Variants in ZNG1C observed in about 807,000 individuals in gnomAD.
The protein encoded by ZNG1C is zinc-regulated GTPase metalloprotein activator 1C.
the ZNG1C span, among the ~76,000 whole-genome samples, chr9:68,256,035 T>C: frequency 1.6e-4 from 24 of 152,222 alleles, no homozygotes; most frequent in African/African-American, 5.8e-4. Context: ...CTTGCATGAG[T>C]AATCACTGTA....
At chr9:68,244,773 TTTATC>T in the ZNG1C span, among the ~76,000 whole-genome samples, 1 of 138,610 alleles carries the variant, frequency 7.2e-6, no homozygotes, top group East Asian at 2.0e-4. Flanking sequence ...GCTTTATGAA[TTTATC>T]TTAACTGAAC....
At chr9:68,256,607 T>C in the ZNG1C span, among the ~76,000 whole-genome samples, 4 of 116,180 alleles carry the variant, frequency 3.4e-5, no homozygotes, top group African/African-American at 1.3e-4. Context: ...ACTGCTCAAA[T>C]TGTTTGATAA....
At chr9:68,267,142 G>A in the ZNG1C span, among the ~76,000 whole-genome samples, 9,639 of 129,374 alleles carry the variant, frequency 0.075, no homozygotes, top group African/African-American at 0.14. Flanking sequence ...TGCTTTGAGC[G>A]TGATGGCTCA....
chr9:68,292,041 C>T, the ZNG1C span, among the ~76,000 whole-genome samples: 6 of 152,034 alleles, frequency 3.9e-5, no homozygotes, highest in African/African-American at 9.6e-5. Flanking sequence ...CAGCCTGGAG[C>T]CTGGTAGACT....
At chr9:68,268,609 A>G in the ZNG1C span, among the ~76,000 whole-genome samples, 1 of 152,228 alleles carries the variant, frequency 6.6e-6, no homozygotes, top group African/African-American at 2.4e-5. Context: ...GAACACTGGG[A>G]TAACTGACTA....
chr9:68,267,583 GCTGA>G, the ZNG1C span, among the ~76,000 whole-genome samples: 2 of 51,426 alleles, frequency 3.9e-5, no homozygotes, highest in Non-Finnish European at 8.1e-5. Flanking sequence ...TTTGCACAGT[GCTGA>G]CACATAGTAA....
the ZNG1C span, among the ~76,000 whole-genome samples, chr9:68,275,466 C>A: frequency 9.2e-6 from 1 of 109,088 alleles, no homozygotes; most frequent in African/African-American, 3.4e-5. Flanking sequence ...CCAATGCTAT[C>A]CCTCCCCCCT....
the ZNG1C span, among the ~76,000 whole-genome samples, chr9:68,276,639 G>C: frequency 7.7e-6 from 1 of 129,398 alleles, no homozygotes; most frequent in Non-Finnish European, 1.7e-5. Context: ...ATTTCTGAGG[G>C]CTCTGTTCTG....
the ZNG1C span, chr9:68,299,258 G>A: frequency 1.3e-6 from 2 of 1,527,382 alleles, no homozygotes; most frequent in South Asian, 2.6e-5. Flanking sequence ...GTAAAAGCTT[G>A]TTAGGACTTT....
chr9:68,272,121 A>G, the ZNG1C span, among the ~76,000 whole-genome samples: 684 of 56,470 alleles, frequency 0.012, no homozygotes, highest in Middle Eastern at 0.03. Flanking sequence ...CACCCTGTTT[A>G]TGAGACTCAC....
At chr9:68,285,828 TTTCTC>T in the ZNG1C span, 3 of 609,610 alleles carry the variant, frequency 4.9e-6, no homozygotes, top group Non-Finnish European at 5.7e-6. Context: ...TCTGCCAGCT[TTTCTC>T]TATTGGAATT....
At chr9:68,257,847 A>G in the ZNG1C span, among the ~76,000 whole-genome samples, 29 of 135,302 alleles carry the variant, frequency 2.1e-4, no homozygotes, top group Admixed American at 2.3e-3. Flanking sequence ...TACTTTTTCA[A>G]AAGTAATAAT....
the ZNG1C span, among the ~76,000 whole-genome samples, chr9:68,244,613 T>C: frequency 7.1e-6 from 1 of 139,938 alleles, no homozygotes; most frequent in Non-Finnish European, 1.5e-5. Context: ...AGAAATGATA[T>C]AGTCATACAA....
At chr9:68,267,277 T>C in the ZNG1C span, among the ~76,000 whole-genome samples, 1 of 152,052 alleles carries the variant, frequency 6.6e-6, no homozygotes, top group Non-Finnish European at 1.5e-5. Context: ...TTATTTGCCA[T>C]GATTAATGAT....
the ZNG1C span, among the ~76,000 whole-genome samples, chr9:68,264,855 A>ATATATATATATATGTGTGTGTG: frequency 1.4e-5 from 1 of 72,260 alleles, no homozygotes; most frequent in African/African-American, 5.1e-5. Flanking sequence ...ATATATATAT[A>ATATATATATATATGTGTGTGTG]TGTATAATAA....
chr9:68,250,014 C>T, the ZNG1C span, among the ~76,000 whole-genome samples: 2 of 109,218 alleles, frequency 1.8e-5, no homozygotes, highest in South Asian at 3.3e-4. Context: ...GCCAGTTTTG[C>T]CATTTTATAG....
chr9:68,247,883 T>A, the ZNG1C span: 1 of 529,162 alleles, frequency 1.9e-6, no homozygotes. Context: ...TTTCTTGCTG[T>A]CTTTTCTATC....
At chr9:68,254,425 G>C in the ZNG1C span, 3 of 146,020 alleles carry the variant, frequency 2.1e-5, no homozygotes, top group South Asian at 6.7e-4. Flanking sequence ...TTTGCCACTT[G>C]TATGCCCTAT....
the ZNG1C span, among the ~76,000 whole-genome samples, chr9:68,262,114 A>AT: frequency 2.0e-5 from 1 of 50,336 alleles, no homozygotes; most frequent in East Asian, 2.6e-4. Context: ...TGCAGGGCTG[A>AT]TATCTAAAGA....
Sources: allele counts gnomAD v4.1 joint callset (sites outside exome capture counted in the v4.1 genomes callset), GRCh38; gene constraint gnomAD v4.1.1; transcripts MANE v1.5; gene names NCBI Gene and HGNC (gene_info 2026-07-23, HGNC 2026-07-21).